Variants in MPP3 observed in about 807,000 individuals in gnomAD.
MPP3 encodes the protein MAGUK p55 subfamily member 3.
A neutral mutation model predicts 80.7 loss-of-function variants in MPP3; 48 were observed. The observed-to-expected ratio is 0.59, with a 90% CI of 0.47 to 0.76. The LOEUF (loss-of-function observed/expected upper bound fraction) is 0.76, where lower values mean the gene tolerates loss of function less well. Ranked by LOEUF, MPP3 falls within the 30% of genes least tolerant of loss-of-function variation. The probability of loss-of-function intolerance (pLI) is 0.00; values close to 1 mark genes in which losing one functional copy is unlikely to be tolerated. For missense variants in MPP3, 620 were observed against 763.0 expected, an observed-to-expected ratio of 0.81 and a Z score of 2.21; for synonymous variants, 311 against 297.6, an observed-to-expected ratio of 1.04 and a Z score of -0.46.
chr17:43,823,727 T>G (rs185722858), intron 10 of MPP3, among the ~76,000 whole-genome samples: 1 of 152,310 alleles, frequency 6.6e-6, no homozygotes, highest in East Asian at 1.9e-4. Flanking sequence ...CCACGTCAAA[T>G]CCTGTTTAGA....
intron 10 of MPP3, among the ~76,000 whole-genome samples, chr17:43,822,804 C>G (rs2045528647): frequency 6.6e-6 from 1 of 152,132 alleles, no homozygotes; most frequent in African/African-American, 2.4e-5. Flanking sequence ...CTGCCAGCAC[C>G]TGCATCTCTT....
rs2045776518 is a variant in MPP3 at position 43,827,688 on chromosome 17, T to C, written c.523+63A>G. ...AGGTAAGGGGACCTATTAGCAAAGG[T>C]GGAGGGCTCTGGAACAATGGCCATG... On this transcript the variant is annotated intron_variant, in intron 8 of 19. Transcript: ENST00000398389. 11 of 1,535,178 alleles carry C rather than the reference T, an allele frequency of 7.2e-6. No individual in the cohort carries two copies. In the Admixed American group the frequency reaches 1.9e-4, roughly 26 times the overall value.
chr17:43,813,336 A>G (rs1004844259), intron 16 of MPP3, among the ~76,000 whole-genome samples: 6 of 151,958 alleles, frequency 3.9e-5, no homozygotes, highest in Admixed American at 2.0e-4. Flanking sequence ...GATGATAACA[A>G]TCTCTCTTCT....
At chr17:43,811,488 C>T (rs1007405810) in intron 16 of MPP3, 35 of 370,316 alleles carry the variant, frequency 9.5e-5, no homozygotes, top group African/African-American at 3.1e-4. Context: ...GACCCACAAC[C>T]AGTAGAGAGC....
At chr17:43,802,112 A>G (rs1357134582) in intron 19 of MPP3, among the ~76,000 whole-genome samples, 2 of 152,298 alleles carry the variant, frequency 1.3e-5, no homozygotes, top group Middle Eastern at 3.4e-3. Context: ...TCACTCACAG[A>G]ATACCTCCTG....
rs7218183 is a variant in MPP3, at chr17:43,816,746, G to A, written c.947-49C>T. The A allele has an allele frequency of 9.7e-3, 15,070 of 1,554,246 alleles. 1,086 individuals are homozygous for A. The African/African-American group carries it at 0.17, about 17-fold the overall frequency. On this transcript the variant is annotated intron_variant, in intron 12 of 19. Transcript: ENST00000398389. ...TGGAACAGCATTAGTGGAGGGAAGC[G>A]GGGACCCTGCGGCTGAGGGCAGCCA...
At chr17:43,812,070 GT>G (rs1324130363) in intron 16 of MPP3, among the ~76,000 whole-genome samples, 20 of 152,296 alleles carry the variant, frequency 1.3e-4, no homozygotes, top group African/African-American at 4.8e-4. Context: ...AAGACAGACC[GT>G]CCCTATATAG....
chr17:43,825,680 T>C, intron 9 of MPP3, 76 bp downstream of exon 9: 1 of 1,012,652 alleles, frequency 9.9e-7, no homozygotes, highest in Non-Finnish European at 1.6e-6. Flanking sequence ...AGCCAGAATC[T>C]GTCCTGGCTC....
In MPP3 at chr17:43,823,989, G is replaced by A; in HGVS notation, c.626C>T (p.Ser209Phe). The A allele has an allele frequency of 1.9e-6, 3 of 1,606,984 alleles. No homozygotes were observed. Among genetic ancestry groups the A allele is most frequent in the South Asian group, 1.1e-5 (1 of 89,736 alleles). Residue 209 changes from serine (S) to phenylalanine (F), a missense_variant, in exon 10 of 20, where the codon TCC becomes TTC. Coordinates refer to ENST00000398389, the MANE Select transcript of MPP3 (RefSeq NM_001932.6). ...ISQILAQSQG[S>F]ITLKIIPATQ... Reference sequence around the variant, plus strand: ...GGCTGGGATGATTTTTAGGGTGATGGATCCCTGGGACTGGGCCTGAAACGA... The same window carrying A: ...GGCTGGGATGATTTTTAGGGTGATGAATCCCTGGGACTGGGCCTGAAACGA...
chr17:43,829,738 G>C lies in MPP3; in HGVS notation c.357C>G (p.Leu119=), dbSNP rs770143098. 1 of 1,614,086 alleles carries C rather than the reference G, an allele frequency of 6.2e-7. No individual in the cohort carries two copies. The highest frequency in any genetic ancestry group is 8.5e-7 in the Non-Finnish European group (1 of 1,180,008). The stretch of plus-strand genomic sequence containing the variant: ...CATCGATATTGTCAGGCAGAGGCGG[G>C]AGAACGGGGTCAAAATTCTTCTGGG... ...TVAQKNFDPV[L]PPLPDNIDED... is the part of the protein sequence containing the mutation. The change falls in exon 7 of 20, where the codon CTC becomes CTG. Residue 119 remains leucine (L), a synonymous_variant. Coordinates refer to ENST00000398389, the MANE Select transcript of MPP3 (RefSeq NM_001932.6).
At chr17:43,803,131 C>T (rs956777620) in intron 19 of MPP3, among the ~76,000 whole-genome samples, 4 of 152,042 alleles carry the variant, frequency 2.6e-5, no homozygotes, top group African/African-American at 7.2e-5. Flanking sequence ...AGCCCTATCC[C>T]GTAACTGCCC....
At chr17:43,831,132 C>A in intron 5 of MPP3, 112 bp downstream of exon 5, 1 of 982,960 alleles carries the variant, frequency 1.0e-6, no homozygotes. Context: ...CACCTCTTCA[C>A]CTTTGGGCTC....
rs9903805 is a variant in MPP3, at chr17:43,811,884, C to T, written c.1256-679G>A. Among the ~76,000 whole-genome samples the T allele has an allele frequency of 4.3e-3, 651 of 152,304 alleles. 5 individuals carry two copies. Among genetic ancestry groups the T allele is most frequent in the African/African-American group, 0.013 (558 of 41,550 alleles). ...CTGGGATTACAGACATGAGCCACCG[C>T]GCCCAGCATATGCTGTGGCTTTTAA... On this transcript the variant is annotated intron_variant, in intron 16 of 19. Coordinates refer to ENST00000398389, the MANE Select transcript of MPP3 (RefSeq NM_001932.6).
Position 43,825,773 on chromosome 17 carries a change from C to T in MPP3, c.592G>A (p.Glu198Lys), listed in dbSNP as rs995064956. ...GIAVLHKRPDEISQILAQSQG... is the reference protein window; with the variant it reads ...GIAVLHKRPDKISQILAQSQG... Reference sequence around the variant, plus strand: ...GCACGGACCAGAATCTGGCTGATCTCGTCGGGCCGCTTGTGCAGGACTGCG... The same window carrying T: ...GCACGGACCAGAATCTGGCTGATCTTGTCGGGCCGCTTGTGCAGGACTGCG... The change falls in exon 9 of 20, where the codon GAG becomes AAG. Residue 198 changes from glutamate (E) to lysine (K), a missense_variant. Coordinates refer to ENST00000398389, the MANE Select transcript of MPP3 (RefSeq NM_001932.6). 19 of 1,612,410 alleles carry T rather than the reference C, an allele frequency of 1.2e-5. No individual in the cohort carries two copies. The highest frequency in any genetic ancestry group is 2.2e-5 in the East Asian group (1 of 44,884).
chr17:43,831,894 A>G lies in MPP3; in HGVS notation c.13T>C (p.Ser5Pro). 1.2e-6 allele frequency: 2 copies of G among 1,611,854 alleles called. No homozygotes were observed. The highest frequency in any genetic ancestry group is 1.7e-6 in the Non-Finnish European group (2 of 1,179,360). ...GGGAGGTACTTACCAGAGTCCTCCG[A>G]TAGCACTGGCATGCTGGCGTTGTCA... MPVL[S>P]EDSGLHETLA... is the part of the protein sequence containing the mutation. The change falls in exon 3 of 20, where the codon TCG becomes CCG. Residue 5 changes from serine to proline, a missense_variant. By Grantham distance (74) the Ser-to-Pro change is moderately conservative. Transcript: ENST00000398389.
rs940498365 is a variant in MPP3, at chr17:43,801,521, T to C, written c.*180A>G. On this transcript the variant is annotated 3_prime_UTR_variant, in exon 20 of 20. Transcript: ENST00000398389. ...CAAATCATGATCCAAAGAGGTGCAG[T>C]GAAAAACAACAGACAAAAACCAACA... is the stretch of plus-strand genomic sequence containing the variant. 2 of 577,448 alleles carry C rather than the reference T, an allele frequency of 3.5e-6. No homozygotes were observed. The highest frequency in any genetic ancestry group is 5.9e-6 in the Non-Finnish European group (2 of 336,376). The allele number at this position is 577,448 out of a possible 1,614,324, so 35.8% of individuals were successfully genotyped here. A position where few individuals can be genotyped will look rare whatever the true frequency, so the allele number is the denominator to read the frequency against.
rs1281041750 is a variant in MPP3 at position 43,832,454 on chromosome 17, C to A, written c.-38+307G>T. Among the ~76,000 whole-genome samples, 4 of 152,152 alleles carry A rather than the reference C, an allele frequency of 2.6e-5. No individual in the cohort carries two copies. The East Asian group carries it at 7.7e-4, about 29-fold the overall frequency. On this transcript the variant is annotated intron_variant, in intron 2 of 19. Transcript: ENST00000398389. ...CTACAAGCCCCCTGTCCCCGACCCC[C>A]CAAGACCCAACCCAAAGGGAGCCTC...
chr17:43,801,610 T>G lies in MPP3; in HGVS notation c.*91A>C, dbSNP rs932840945. Reference sequence around the variant, plus strand: ...GAATTTGTGGAGAATTCTCTCCCTCTCTGCGCTTGAGATTCCTTGATGGTA... The same window carrying G: ...GAATTTGTGGAGAATTCTCTCCCTCGCTGCGCTTGAGATTCCTTGATGGTA... On this transcript the variant is annotated 3_prime_UTR_variant, in exon 20 of 20. Coordinates refer to ENST00000398389, the MANE Select transcript of MPP3 (RefSeq NM_001932.6). 5 of 1,248,774 alleles carry G rather than the reference T, an allele frequency of 4.0e-6. No homozygotes were observed. The Admixed American group carries it at 5.9e-5, about 15-fold the overall frequency. The allele number at this position is 1,248,774 out of a possible 1,614,324, so 77.4% of individuals were successfully genotyped here.
rs1277983399 is a variant in MPP3, at chr17:43,803,256, T to G, written c.1582-1379A>C. Among the ~76,000 whole-genome samples, 6 of 152,284 alleles carry G rather than the reference T, an allele frequency of 3.9e-5. No individual in the cohort carries two copies. In the East Asian group the frequency reaches 9.6e-4, roughly 24 times the overall value. ...CCCACACGGTTCATCCTGGAAGCATTTGGCTATTTGAGAAATTACAGAAGG... is the reference window on the plus strand; with the variant it reads ...CCCACACGGTTCATCCTGGAAGCATGTGGCTATTTGAGAAATTACAGAAGG... On this transcript the variant is annotated intron_variant, in intron 19 of 19. Transcript: ENST00000398389.
Sources: allele counts gnomAD v4.1 joint callset (sites outside exome capture counted in the v4.1 genomes callset), GRCh38; gene constraint gnomAD v4.1.1; transcripts MANE v1.5; gene names NCBI Gene and HGNC (gene_info 2026-07-23, HGNC 2026-07-21).